ZNF804B: variants seen among roughly 807,000 people sequenced by gnomAD.
ZNF804B encodes the protein zinc finger 804B.
ZNF804B carries 80 observed loss-of-function variants against 101.4 expected under a neutral mutation model. That is an observed-to-expected ratio of 0.79 (90% CI 0.66 to 0.95). The LOEUF is 0.95. Ranked by LOEUF, ZNF804B falls within the 40% of genes least tolerant of loss-of-function variation. The pLI is 0.00. For missense variants in ZNF804B, 1,673 were observed against 1,561.9 expected, an observed-to-expected ratio of 1.07 and a Z score of -1.20; for synonymous variants, 622 against 558.8, an observed-to-expected ratio of 1.11 and a Z score of -1.59.
intron 2 of ZNF804B, among the ~76,000 whole-genome samples, chr7:89,281,913 G>C (rs1326540210): frequency 6.6e-6 from 1 of 152,170 alleles, no homozygotes; most frequent in Non-Finnish European, 1.5e-5. Context: ...CCTGGGGTAG[G>C]CTTTCCCACA....
chr7:89,171,288 G>GCTTCTTCTTCTT (rs1203060273), intron 1 of ZNF804B, among the ~76,000 whole-genome samples: 1,269 of 82,384 alleles, frequency 0.015, 19 homozygotes, highest in Non-Finnish European at 0.022. Flanking sequence ...TGCTGCTGCT[G>GCTTCTTCTTCTT]CTTCTTCTTC....
intron 1 of ZNF804B, among the ~76,000 whole-genome samples, chr7:89,015,062 T>G (rs1788524764): frequency 6.6e-6 from 1 of 152,196 alleles, no homozygotes; most frequent in Non-Finnish European, 1.5e-5. Context: ...TTCATTCTTC[T>G]GCATATAGAT....
intron 1 of ZNF804B, among the ~76,000 whole-genome samples, chr7:88,935,992 C>A (rs758473058): frequency 4.0e-5 from 6 of 150,706 alleles, no homozygotes; most frequent in Non-Finnish European, 7.4e-5. Flanking sequence ...CTTTCTCCCT[C>A]CCTTCCTCCA....
intron 1 of ZNF804B, among the ~76,000 whole-genome samples, chr7:89,107,248 CATG>C (rs1013818000): frequency 6.6e-6 from 1 of 151,966 alleles, no homozygotes; most frequent in African/African-American, 2.4e-5. Context: ...TGATATCATG[CATG>C]ATGATAGTTA....
intron 2 of ZNF804B, among the ~76,000 whole-genome samples, chr7:89,223,151 C>T (rs1222329475): frequency 2.6e-5 from 4 of 151,706 alleles, no homozygotes; most frequent in African/African-American, 4.8e-5. Context: ...GCCTGAGTAA[C>T]GTGAACAGTT....
intron 1 of ZNF804B, among the ~76,000 whole-genome samples, chr7:89,203,457 C>G (rs1271318632): frequency 6.6e-6 from 1 of 152,100 alleles, no homozygotes; most frequent in Non-Finnish European, 1.5e-5. Context: ...ATATCTTTCT[C>G]TCAAAGTAAA....
intron 2 of ZNF804B, among the ~76,000 whole-genome samples, chr7:89,309,930 A>G (rs902053067): frequency 2.0e-5 from 3 of 151,876 alleles, no homozygotes; most frequent in African/African-American, 4.8e-5. Context: ...CGGACAAAAC[A>G]CATATTTATT....
intron 1 of ZNF804B, among the ~76,000 whole-genome samples, chr7:89,119,270 TACA>T (rs1790362799): frequency 6.6e-6 from 1 of 152,152 alleles, no homozygotes; most frequent in African/African-American, 2.4e-5. Flanking sequence ...ACAGAAAAAT[TACA>T]ACAGAACATT....
chr7:88,879,655 G>A (rs1258269010), intron 1 of ZNF804B, among the ~76,000 whole-genome samples: 4 of 152,118 alleles, frequency 2.6e-5, no homozygotes, highest in African/African-American at 7.2e-5. Context: ...AAGAACATTA[G>A]GAGAGGTTTA....
chr7:89,260,432 G>T (rs1229602338), intron 2 of ZNF804B, among the ~76,000 whole-genome samples: 1 of 151,918 alleles, frequency 6.6e-6, no homozygotes, highest in Non-Finnish European at 1.5e-5. Flanking sequence ...TTCTTAATGG[G>T]ATCTGGGAAT....
At chr7:89,054,836 C>G (rs1469406937) in intron 1 of ZNF804B, among the ~76,000 whole-genome samples, 1 of 151,946 alleles carries the variant, frequency 6.6e-6, no homozygotes, top group Non-Finnish European at 1.5e-5. Flanking sequence ...CCCCTTCCTC[C>G]CTGTCATCCT....
rs747659636 is a variant in ZNF804B at position 89,327,407 on chromosome 7, G to T, written c.313G>T (p.Glu105Ter). 1 of 1,611,268 alleles carries T rather than the reference G, an allele frequency of 6.2e-7. No homozygotes were observed. The highest frequency in any genetic ancestry group is 8.5e-7 in the Non-Finnish European group (1 of 1,178,454). ...RNVASKSWKD[E>*]KKQEKALKRL... ...TGTAGCTTCTAAGTCATGGAAAGAT[G>T]AGAAAAAACAAGAAAAAGCACTTAA... The change falls in exon 3 of 4, where the codon GAG (glutamate) becomes TAG (stop). Residue 105 changes from glutamate to a stop codon, truncating the protein, a stop_gained. Transcript: ENST00000333190. LOFTEE classifies it high-confidence loss of function.
chr7:88,955,281 C>A (rs1024431312), intron 1 of ZNF804B, among the ~76,000 whole-genome samples: 14 of 151,532 alleles, frequency 9.2e-5, no homozygotes, highest in African/African-American at 2.9e-4. Flanking sequence ...AAGTATGTTG[C>A]TTTTTACTAT....
chr7:89,070,375 G>T (rs1789516996), intron 1 of ZNF804B, among the ~76,000 whole-genome samples: 1 of 152,082 alleles, frequency 6.6e-6, no homozygotes, highest in East Asian at 1.9e-4. Context: ...TGTGACACGG[G>T]GATCCAGGCT....
intron 2 of ZNF804B, among the ~76,000 whole-genome samples, chr7:89,229,410 A>G (rs767439820): frequency 6.6e-6 from 1 of 152,262 alleles, no homozygotes; most frequent in South Asian, 2.1e-4. Flanking sequence ...CTGGAAGAGC[A>G]GCATTAATTT....
At chr7:89,137,288 T>C (rs1311221443) in intron 1 of ZNF804B, among the ~76,000 whole-genome samples, 7 of 152,068 alleles carry the variant, frequency 4.6e-5, no homozygotes, top group Non-Finnish European at 1.5e-5. Flanking sequence ...ACAGTCAGAC[T>C]TGATTTTCAA....
At chr7:89,176,591 C>CTTTTTTTTTTTTTTTTTTTCTTTTTTTTT (rs35866405) in intron 1 of ZNF804B, among the ~76,000 whole-genome samples, 1 of 71,942 alleles carries the variant, frequency 1.4e-5, no homozygotes, top group East Asian at 3.6e-4. Flanking sequence ...TTCTTTCTTT[C>CTTTTTTTTTTTTTTTTTTTCTTTTTTTTT]TTTTTTTTTT....
intron 1 of ZNF804B, among the ~76,000 whole-genome samples, chr7:88,994,313 T>A (rs1584059811): frequency 6.6e-6 from 1 of 152,026 alleles, no homozygotes; most frequent in East Asian, 1.9e-4. Context: ...TAAAATAGTT[T>A]TCCCATTTAT....
chr7:89,131,882 C>T (rs1278334348), intron 1 of ZNF804B, among the ~76,000 whole-genome samples: 2 of 151,862 alleles, frequency 1.3e-5, no homozygotes, highest in African/African-American at 2.4e-5. Context: ...CCTGATAACA[C>T]GAATCTTAGG....
Sources: gnomAD v4.1 joint callset for allele counts (sites outside exome capture counted in the v4.1 genomes callset) on GRCh38, gnomAD v4.1.1 for gene constraint, MANE v1.5 for transcripts, NCBI Gene and HGNC (gene_info 2026-07-23, HGNC 2026-07-21) for gene names.